Variants in CREBBP observed in about 807,000 individuals in gnomAD.
CREBBP encodes CREB binding lysine acetyltransferase.
CREBBP carries 19 observed loss-of-function variants against 265.0 expected under a neutral mutation model. The observed-to-expected ratio is 0.07, with a 90% CI of 0.05 to 0.11. CREBBP has a LOEUF of 0.11. Among genes scored for constraint, CREBBP ranks in the 10% least tolerant of loss-of-function variants. CREBBP has a pLI of 1.00. For synonymous variants in CREBBP, 1,457 were observed against 1,223.7 expected (o/e 1.19, Z -3.98); for missense variants, 2,525 against 3,219.0 (o/e 0.78, Z 5.22).
In CREBBP at chr16:3,728,417, C is replaced by G. The variant is rs1444680119; in HGVS notation, c.6630G>C (p.Gln2210His). ...QQQQQQQQQQ[Q>H]QQQQQQGSAG... ...CACTCCCTTGCTGCTGCTGCTGTTGCTGCTGTTGTTGCTGCTGCTGTTGCT... is the reference window on the plus strand; with the variant it reads ...CACTCCCTTGCTGCTGCTGCTGTTGGTGCTGTTGTTGCTGCTGCTGTTGCT... Residue 2210 changes from glutamine (Q) to histidine (H), a missense_variant, in exon 31 of 31, where the codon CAG becomes CAC. By Grantham distance (24) the Gln-to-His change is conservative (BLOSUM62 0). Transcript: ENST00000262367. This position sits in a 1 kb window ranked among gnomAD's most constrained non-coding sequence, Gnocchi z 8.7. 75 of 1,613,124 alleles carry G rather than the reference C, an allele frequency of 4.6e-5. No homozygotes were observed. Among genetic ancestry groups the G allele is most frequent in the Non-Finnish European group, 3.3e-5 (39 of 1,179,540 alleles).
In CREBBP at chr16:3,879,862, A is replaced by C; in HGVS notation, c.55T>G (p.Ser19Ala). 1 of 1,611,548 alleles carries C rather than the reference A, an allele frequency of 6.2e-7. No homozygotes were observed. Among genetic ancestry groups the C allele is most frequent in the Non-Finnish European group, 8.5e-7 (1 of 1,179,056 alleles). ...CTGTCATTCGCCGAGAAACCGGGCGAGCTGAGTTTGGCTCTTTTGGGGTTG... is the reference window on the plus strand; with the variant it reads ...CTGTCATTCGCCGAGAAACCGGGCGCGCTGAGTTTGGCTCTTTTGGGGTTG... ...PPNPKRAKLS[S>A]PGFSANDSTD... The change falls in exon 1 of 31, where the codon TCG becomes GCG. Residue 19 changes from serine (S) to alanine (A), a missense_variant. Coordinates refer to ENST00000262367, the MANE Select transcript of CREBBP (RefSeq NM_004380.3).
intron 28 of CREBBP, among the ~76,000 whole-genome samples, chr16:3,734,220 A>T (rs939377159): frequency 2.6e-5 from 4 of 152,088 alleles, no homozygotes; most frequent in African/African-American, 9.7e-5. Context: ...AGCAGAGCTA[A>T]TAGCAAAGCA....
chr16:3,849,588 C>G (rs940463355), intron 2 of CREBBP, among the ~76,000 whole-genome samples: 3 of 129,900 alleles, frequency 2.3e-5, no homozygotes, highest in African/African-American at 8.7e-5. Flanking sequence ...CCAGGCTGGT[C>G]TCAAACTCCT....
chr16:3,843,813 A>C (rs963255197), intron 2 of CREBBP, among the ~76,000 whole-genome samples: 3 of 152,124 alleles, frequency 2.0e-5, no homozygotes, highest in African/African-American at 7.2e-5. Flanking sequence ...TTCATGTAAT[A>C]GATAATTCCA....
intron 2 of CREBBP, among the ~76,000 whole-genome samples, chr16:3,819,619 G>A (rs2054104663): frequency 6.6e-6 from 1 of 152,098 alleles, no homozygotes; most frequent in Non-Finnish European, 1.5e-5. Flanking sequence ...CAACAATCTT[G>A]TGCATTTGCT....
intron 11 of CREBBP, 32 bp downstream of exon 11, chr16:3,777,581 T>C (rs1333078689): frequency 6.2e-7 from 1 of 1,612,268 alleles, no homozygotes; most frequent in Non-Finnish European, 8.5e-7. Flanking sequence ...AATGTAAAAC[T>C]AAAATATGAT....
chr16:3,780,605 G>A, intron 8 of CREBBP, 127 bp downstream of exon 8: 1 of 965,686 alleles, frequency 1.0e-6, no homozygotes, highest in Non-Finnish European at 1.6e-6. Flanking sequence ...AACTCTACCA[G>A]CAGTGAGAGT....
At chr16:3,805,175 C>A (rs971829927) in intron 3 of CREBBP, among the ~76,000 whole-genome samples, 11 of 152,198 alleles carry the variant, frequency 7.2e-5, no homozygotes, top group African/African-American at 2.7e-4. Flanking sequence ...CAGTGATCTT[C>A]AAGATACAGA....
intron 3 of CREBBP, among the ~76,000 whole-genome samples, chr16:3,807,349 G>C (rs553135809): frequency 6.6e-6 from 1 of 152,200 alleles, no homozygotes; most frequent in East Asian, 1.9e-4. Flanking sequence ...GACTGGGATT[G>C]TTTGGGACAC....
intron 15 of CREBBP, among the ~76,000 whole-genome samples, 174 bp from the exon 16 acceptor site, chr16:3,768,083 A>G (rs1356976238): frequency 6.8e-6 from 1 of 147,070 alleles, no homozygotes; most frequent in Non-Finnish European, 1.5e-5. Context: ...CTTGGTGTTC[A>G]TTAAGTCGCT....
intron 1 of CREBBP, among the ~76,000 whole-genome samples, chr16:3,854,769 G>T (rs561709446): frequency 1.3e-5 from 2 of 152,214 alleles, no homozygotes; most frequent in African/African-American, 4.8e-5. Flanking sequence ...ACTTTCTTTG[G>T]GCTGCCCCTG....
chr16:3,793,361 T>G, intron 4 of CREBBP, 25 bp downstream of exon 4: 1 of 1,613,552 alleles, frequency 6.2e-7, no homozygotes, highest in Non-Finnish European at 8.5e-7. Flanking sequence ...CCTCTACCAC[T>G]AGGAGTTCCA....
chr16:3,862,048 G>A (rs899571410), intron 1 of CREBBP, among the ~76,000 whole-genome samples: 6 of 152,136 alleles, frequency 3.9e-5, no homozygotes, highest in African/African-American at 1.2e-4. Flanking sequence ...GTGCAGGACC[G>A]GCTGGGTTTG....
intron 5 of CREBBP, among the ~76,000 whole-genome samples, chr16:3,790,464 T>C (rs1181571470): frequency 7.7e-6 from 1 of 129,374 alleles, no homozygotes; most frequent in Non-Finnish European, 1.6e-5. Context: ...AACCTCCACC[T>C]CCCAGGTTTA....
intron 2 of CREBBP, among the ~76,000 whole-genome samples, chr16:3,826,529 G>A (rs2054240527): frequency 6.6e-6 from 1 of 152,034 alleles, no homozygotes. Context: ...ATGACACAAC[G>A]CACCCTCAAA....
At position 3,790,897 on chromosome 16, in the gene CREBBP, T is replaced by C. The variant is rs200198180; in HGVS notation, c.1330+1084A>G. ...AGTACTCTTAGGAACAAAGCACTTT[T>C]TCCATCTTTCCCTGGGCCACTCAGA... is the stretch of plus-strand genomic sequence containing the variant. On this transcript the variant is annotated intron_variant, in intron 5 of 30. Coordinates refer to ENST00000262367, the MANE Select transcript of CREBBP (RefSeq NM_004380.3). Among the ~76,000 whole-genome samples, 19 of 152,286 alleles carry C rather than the reference T, an allele frequency of 1.2e-4. 1 individual carries two copies. In the East Asian group the frequency reaches 3.3e-3, roughly 26 times the overall value.
At chr16:3,869,216 G>C (rs1486132115) in intron 1 of CREBBP, among the ~76,000 whole-genome samples, 2 of 152,152 alleles carry the variant, frequency 1.3e-5, no homozygotes, top group African/African-American at 2.4e-5. Context: ...TCAATGCACA[G>C]TATGTCCCCT....
intron 2 of CREBBP, among the ~76,000 whole-genome samples, chr16:3,825,311 T>C (rs543220830): frequency 6.6e-6 from 1 of 152,324 alleles, no homozygotes; most frequent in South Asian, 2.1e-4. Flanking sequence ...AGTTTTTACT[T>C]AGTAAATAAA....
At chr16:3,748,796 G>A (rs2052407103) in intron 21 of CREBBP, among the ~76,000 whole-genome samples, 1 of 152,156 alleles carries the variant, frequency 6.6e-6, no homozygotes, top group African/African-American at 2.4e-5. Context: ...GTCTCTTTAG[G>A]GGCTGTTATG....
Sources: gnomAD v4.1 joint callset for allele counts (sites outside exome capture counted in the v4.1 genomes callset) on GRCh38, gnomAD v4.1.1 for gene constraint, Gnocchi (gnomAD v3.1) non-coding constraint, MANE v1.5 for transcripts, NCBI Gene and HGNC (gene_info 2026-07-23, HGNC 2026-07-21) for gene names.